Variants in TMC2 observed in about 807,000 individuals in gnomAD.
TMC2 encodes transmembrane channel like 2, also known as transmembrane channel-like protein 2.
Under a neutral mutation model 105.9 loss-of-function variants are expected in TMC2, and 102 were observed. The ratio of observed to expected loss-of-function variants is 0.96; its 90% confidence interval spans 0.82 to 1.14. The LOEUF (loss-of-function observed/expected upper bound fraction) is 1.14. TMC2 is among the 50% of genes most tolerant of loss of function. The pLI, the probability that TMC2 is intolerant of heterozygous loss-of-function variation, is 0.00. For synonymous variants in TMC2, 402 were observed against 422.8 expected, an observed-to-expected ratio of 0.95 and a Z score of 0.60; for missense variants, 1,093 against 1,134.3, an observed-to-expected ratio of 0.96 and a Z score of 0.52.
rs2086697344 is a variant in TMC2, at chr20:2,642,711, A to C, written c.*1360A>C. On this transcript the variant is annotated 3_prime_UTR_variant, in exon 20 of 20. Transcript: ENST00000358864. ...TGGGAGTCACAGTCCAGGACTCTGC[A>C]ACAGCCCAGCTATCTTGCACACAGC... is the stretch of plus-strand genomic sequence containing the variant. Among the ~76,000 whole-genome samples, 1 of 152,180 alleles carries C rather than the reference A, an allele frequency of 6.6e-6. No homozygotes were observed. Among genetic ancestry groups the C allele is most frequent in the African/African-American group, 2.4e-5 (1 of 41,432 alleles).
chr20:2,574,746 T>A (rs1025826391), intron 5 of TMC2, among the ~76,000 whole-genome samples: 1 of 152,148 alleles, frequency 6.6e-6, no homozygotes, highest in African/African-American at 2.4e-5. Flanking sequence ...CTTTGTTTTT[T>A]TGTTTTTTTT....
intron 4 of TMC2, among the ~76,000 whole-genome samples, chr20:2,566,194 A>G (rs1294645804): frequency 2.0e-5 from 3 of 152,226 alleles, no homozygotes; most frequent in Non-Finnish European, 4.4e-5. Context: ...CTCTGAGCCT[A>G]ATAATTCTCA....
At chr20:2,599,865 TC>T (rs557603192) in intron 10 of TMC2, among the ~76,000 whole-genome samples, 10 of 152,166 alleles carry the variant, frequency 6.6e-5, no homozygotes, top group Non-Finnish European at 1.0e-4. Context: ...TCTTTGCCCC[TC>T]CCCTCTCTTG....
chr20:2,585,056 C>T (rs6107000), intron 7 of TMC2, among the ~76,000 whole-genome samples: 9,164 of 152,192 alleles, frequency 0.06, 911 homozygotes, highest in African/African-American at 0.21. Context: ...GAATATCATA[C>T]AAATAGAAAT....
At chr20:2,619,554 T>C (rs879236755) in intron 16 of TMC2, among the ~76,000 whole-genome samples, 3 of 152,152 alleles carry the variant, frequency 2.0e-5, no homozygotes, top group Admixed American at 6.5e-5. Flanking sequence ...CTTTCTCAGT[T>C]CATAAAGGAC....
intron 5 of TMC2, among the ~76,000 whole-genome samples, chr20:2,577,567 A>G (rs979195170): frequency 2.0e-5 from 3 of 152,156 alleles, no homozygotes; most frequent in Non-Finnish European, 4.4e-5. Context: ...GGAGATGGTC[A>G]AAACTATATC....
At chr20:2,630,859 T>C (rs1022834432) in intron 17 of TMC2, among the ~76,000 whole-genome samples, 8 of 152,190 alleles carry the variant, frequency 5.3e-5, no homozygotes, top group Admixed American at 6.5e-5. Flanking sequence ...GTGTGCTTCT[T>C]TGGAAAAGCA....
chr20:2,601,199 C>T (rs2086349447), intron 10 of TMC2, among the ~76,000 whole-genome samples: 1 of 152,224 alleles, frequency 6.6e-6, no homozygotes, highest in African/African-American at 2.4e-5. Context: ...CTATGGCCCA[C>T]AGGCCAAATC....
intron 10 of TMC2, among the ~76,000 whole-genome samples, chr20:2,599,407 T>C (rs2086333555): frequency 6.6e-6 from 1 of 151,536 alleles, no homozygotes; most frequent in African/African-American, 2.4e-5. Context: ...ATAGCTCATA[T>C]AAAATAACCA....
chr20:2,605,733 C>T (rs1297007087), intron 11 of TMC2, among the ~76,000 whole-genome samples: 1 of 151,804 alleles, frequency 6.6e-6, no homozygotes, highest in African/African-American at 2.4e-5. Context: ...AGGGGAAAAT[C>T]TCCCTAAATA....
rs144876435 is a variant in TMC2, at chr20:2,612,265, C to T, written c.1668C>T (p.Asn556=). 2.8e-5 allele frequency: 45 copies of T among 1,612,794 alleles called. No homozygotes were observed. The East Asian group carries it at 4.2e-4, about 15-fold the overall frequency. ...LFNYYNSSGW[N]ESVPRPPLHP... ...ACTATTACAACTCTTCTGGTTGGAA[C>T]GAGAGTGTCCCCCGACCACCCCTGC... The change falls in exon 13 of 20, where the codon AAC becomes AAT. Residue 556 remains asparagine, a synonymous_variant. Coordinates refer to ENST00000358864, the MANE Select transcript of TMC2 (RefSeq NM_080751.3).
rs563016232 is a variant in TMC2 at position 2,561,723 on chromosome 20, G to A, written c.402-135G>A. ...GTAGAATTTTGGCCTCCGCTGCCAGGCAATGGGAGTCACTAATGGCTTCTG... is the reference window on the plus strand; with the variant it reads ...GTAGAATTTTGGCCTCCGCTGCCAGACAATGGGAGTCACTAATGGCTTCTG... On this transcript the variant is annotated intron_variant, in intron 3 of 19. Transcript: ENST00000358864. 19 of 1,154,540 alleles carry A rather than the reference G, an allele frequency of 1.6e-5. No homozygotes were observed. The Admixed American group carries it at 2.0e-4, about 12-fold the overall frequency. 71.5% of individuals were successfully genotyped at this position (1,154,540 alleles called of 1,614,324 possible). A position where few individuals can be genotyped will look rare whatever the true frequency, so the allele number is the denominator to read the frequency against.
intron 2 of TMC2, among the ~76,000 whole-genome samples, chr20:2,543,903 G>GATTTTTTTTTTTTTTTT (rs3051735): frequency 6.9e-6 from 1 of 144,184 alleles, no homozygotes; most frequent in African/African-American, 2.6e-5. Context: ...CTGCATGTCA[G>GATTTTTTTTTTTTTTTT]TTTTTTTTTT....
At chr20:2,552,647 C>G (rs1233716826) in intron 2 of TMC2, among the ~76,000 whole-genome samples, 1 of 152,116 alleles carries the variant, frequency 6.6e-6, no homozygotes, top group Non-Finnish European at 1.5e-5. Context: ...TCTGACGTAG[C>G]TGGGAATACA....
chr20:2,540,820 C>T (rs1459257175), intron 2 of TMC2, among the ~76,000 whole-genome samples: 1 of 152,174 alleles, frequency 6.6e-6, no homozygotes. Flanking sequence ...ACATCACCTT[C>T]TTCCATGTTG....
intron 16 of TMC2, among the ~76,000 whole-genome samples, chr20:2,620,658 C>T: frequency 6.6e-6 from 1 of 152,146 alleles, no homozygotes; most frequent in East Asian, 1.9e-4. Flanking sequence ...ATTGGCCTCC[C>T]AGAATTCTGT....
intron 2 of TMC2, among the ~76,000 whole-genome samples, chr20:2,542,114 T>G (rs2085893948): frequency 6.6e-6 from 1 of 152,208 alleles, no homozygotes; most frequent in Non-Finnish European, 1.5e-5. Flanking sequence ...CTACAGGCTC[T>G]GTAAATCAAA....
chr20:2,568,443 T>C (rs1222823041), intron 4 of TMC2, among the ~76,000 whole-genome samples: 2 of 152,182 alleles, frequency 1.3e-5, no homozygotes, highest in African/African-American at 4.8e-5. Flanking sequence ...TAGCCTTTGG[T>C]AGGGTCCCCT....
Position 2,612,773 on chromosome 20 carries a change from C to T in TMC2, c.1744-421C>T, listed in dbSNP as rs541206198. 6.6e-5 allele frequency among the ~76,000 whole-genome samples: 10 copies of T among 152,268 alleles called. No homozygotes were observed. The South Asian group carries it at 1.5e-3, about 22-fold the overall frequency. ...GCTAGGCATTGTCTCCAGTGACTGA[C>T]GGTCACATTTGGTCTTAGTGGGGGC... On this transcript the variant is annotated intron_variant, in intron 13 of 19. Coordinates refer to ENST00000358864, the MANE Select transcript of TMC2 (RefSeq NM_080751.3).
Sources: allele counts gnomAD v4.1 joint callset (sites outside exome capture counted in the v4.1 genomes callset), GRCh38; gene constraint gnomAD v4.1.1; transcripts MANE v1.5; gene names NCBI Gene and HGNC (gene_info 2026-07-23, HGNC 2026-07-21).